TMEM132D: variants seen among roughly 807,000 people sequenced by gnomAD.
TMEM132D encodes mature OL transmembrane protein.
TMEM132D carries 21 observed loss-of-function variants against 62.3 expected under a neutral mutation model. The ratio of observed to expected loss-of-function variants is 0.34; its 90% CI spans 0.24 to 0.49. The LOEUF is 0.49. Ranked by LOEUF, TMEM132D falls within the 20% of genes least tolerant of loss-of-function variation. The probability of loss-of-function intolerance (pLI) is 0.99; values close to 1 mark genes in which losing one functional copy is unlikely to be tolerated. For missense variants in TMEM132D, 1,346 were observed against 1,402.8 expected, an observed-to-expected ratio of 0.96 and a Z score of 0.65; for synonymous variants, 621 against 575.6, an observed-to-expected ratio of 1.08 and a Z score of -1.13.
intron 5 of TMEM132D, among the ~76,000 whole-genome samples, chr12:129,180,121 C>G (rs1250284340): frequency 6.6e-6 from 1 of 152,108 alleles, no homozygotes; most frequent in Non-Finnish European, 1.5e-5. Flanking sequence ...CTGCCACATG[C>G]TGGGACTTTG....
At chr12:129,534,201 CCTCATTACACAGAGATAAACAT>C (rs1876313731) in intron 2 of TMEM132D, among the ~76,000 whole-genome samples, 1 of 91,604 alleles carries the variant, frequency 1.1e-5, no homozygotes, top group Non-Finnish European at 2.6e-5. Context: ...ACACTGACAG[CCTCATTACACAGAGATAAACAT>C]AGCACTTGAT....
At chr12:129,353,776 T>C (rs766418658) in intron 3 of TMEM132D, among the ~76,000 whole-genome samples, 5 of 152,042 alleles carry the variant, frequency 3.3e-5, no homozygotes, top group African/African-American at 4.8e-5. Context: ...CTGCTTGCCA[T>C]CATCCATTGT....
chr12:129,420,523 C>A (rs1299565041), intron 3 of TMEM132D, among the ~76,000 whole-genome samples: 7 of 151,970 alleles, frequency 4.6e-5, no homozygotes, highest in African/African-American at 1.7e-4. Flanking sequence ...AAAAATTCTA[C>A]CCAACAGGAC....
At position 129,801,005 on chromosome 12, in the gene TMEM132D, G is replaced by A. The variant is rs1593167085; in HGVS notation, c.80-100307C>T. 3.3e-5 allele frequency among the ~76,000 whole-genome samples: 5 copies of A among 151,318 alleles called. No individual in the cohort carries two copies. In the South Asian group the frequency reaches 1.1e-3, roughly 32 times the overall value. On this transcript the variant is annotated intron_variant, in intron 1 of 8. Transcript: ENST00000422113. ...TCCCACCCGAATACTGCGCTTTTCT[G>A]ACGGGCTTAAAAAATGGCGCACCAG...
chr12:129,690,556 G>C (rs558333954), intron 2 of TMEM132D, among the ~76,000 whole-genome samples: 2 of 152,198 alleles, frequency 1.3e-5, no homozygotes, highest in South Asian at 4.1e-4. Flanking sequence ...ATAAATTCCA[G>C]ACAAAGCAGA....
At chr12:129,491,707 C>T (rs1169175920) in intron 3 of TMEM132D, among the ~76,000 whole-genome samples, 2 of 152,086 alleles carry the variant, frequency 1.3e-5, no homozygotes, top group African/African-American at 4.8e-5. Flanking sequence ...TTTGGGAGGC[C>T]GAGGTGGGTA....
chr12:129,131,201 G>A (rs1876365367), intron 5 of TMEM132D, among the ~76,000 whole-genome samples: 1 of 152,134 alleles, frequency 6.6e-6, no homozygotes, highest in Non-Finnish European at 1.5e-5. Context: ...AAGTATGTAT[G>A]CACACACACA....
intron 5 of TMEM132D, among the ~76,000 whole-genome samples, chr12:129,113,991 T>C (rs1325212361): frequency 2.6e-5 from 4 of 151,924 alleles, no homozygotes; most frequent in African/African-American, 9.7e-5. Flanking sequence ...CCAAGCAAGC[T>C]CTGGGAAGTG....
chr12:129,804,472 G>A (rs1035015236), intron 1 of TMEM132D, among the ~76,000 whole-genome samples: 16 of 149,552 alleles, frequency 1.1e-4, no homozygotes, highest in African/African-American at 2.0e-4. Flanking sequence ...CAGAAAAGGC[G>A]TTTGACAAAA....
At chr12:129,829,720 T>G (rs73160253) in intron 1 of TMEM132D, among the ~76,000 whole-genome samples, 10,840 of 152,102 alleles carry the variant, frequency 0.071, 419 homozygotes, top group East Asian at 0.11. Context: ...GCACAGGAGA[T>G]GGGGGAGCTT....
At chr12:129,236,239 G>C (rs1020281681) in intron 4 of TMEM132D, among the ~76,000 whole-genome samples, 1 of 151,730 alleles carries the variant, frequency 6.6e-6, no homozygotes, top group African/African-American at 2.4e-5. Context: ...TGTATGGGCC[G>C]GGTGCAGTGG....
chr12:129,548,217 G>C (rs1876793792), intron 2 of TMEM132D, among the ~76,000 whole-genome samples: 1 of 152,122 alleles, frequency 6.6e-6, no homozygotes, highest in African/African-American at 2.4e-5. Flanking sequence ...TCCCAGATTA[G>C]GGTCTCAGCC....
At chr12:129,181,587 C>G (rs529837423) in intron 5 of TMEM132D, among the ~76,000 whole-genome samples, 1 of 152,200 alleles carries the variant, frequency 6.6e-6, no homozygotes, top group African/African-American at 2.4e-5. Context: ...GCTCCTGCAT[C>G]GATCCTTCCC....
At chr12:129,492,822 G>A (rs534072084) in intron 3 of TMEM132D, among the ~76,000 whole-genome samples, 7 of 152,194 alleles carry the variant, frequency 4.6e-5, no homozygotes, top group South Asian at 2.1e-4. Flanking sequence ...ACGGGCAATC[G>A]GGACTTCCTG....
intron 4 of TMEM132D, among the ~76,000 whole-genome samples, chr12:129,294,209 T>G (rs1170610828): frequency 6.6e-6 from 1 of 152,250 alleles, no homozygotes; most frequent in Admixed American, 6.5e-5. Context: ...TTCAAGATTT[T>G]TAATGCCTTG....
At chr12:129,782,882 C>CT (rs1278484153) in intron 1 of TMEM132D, among the ~76,000 whole-genome samples, 1 of 152,202 alleles carries the variant, frequency 6.6e-6, no homozygotes, top group Non-Finnish European at 1.5e-5. Flanking sequence ...CACCTTAACA[C>CT]TTTTTTTCCT....
At chr12:129,484,056 A>G (rs546932091) in intron 3 of TMEM132D, among the ~76,000 whole-genome samples, 6 of 151,274 alleles carry the variant, frequency 4.0e-5, no homozygotes, top group Non-Finnish European at 7.4e-5. Context: ...TGTAACCTTC[A>G]CCTCCCGGGT....
chr12:129,659,509 T>A (rs945817420), intron 2 of TMEM132D, among the ~76,000 whole-genome samples: 1 of 152,210 alleles, frequency 6.6e-6, no homozygotes, highest in South Asian at 2.1e-4. Context: ...TCTGCTTCGA[T>A]TGAGCATAAG....
chr12:129,344,444 G>A (rs534206054), intron 3 of TMEM132D, among the ~76,000 whole-genome samples: 1 of 152,238 alleles, frequency 6.6e-6, no homozygotes, highest in Non-Finnish European at 1.5e-5. Flanking sequence ...CATATACCTG[G>A]GTAAAGAATG....
Sources: gnomAD v4.1 joint callset for allele counts (sites outside exome capture counted in the v4.1 genomes callset) on GRCh38, gnomAD v4.1.1 for gene constraint, MANE v1.5 for transcripts, NCBI Gene and HGNC (gene_info 2026-07-23, HGNC 2026-07-21) for gene names.